Variants in ADAMTS18 observed in about 807,000 individuals in gnomAD.
ADAMTS18 encodes A disintegrin and metalloproteinase with thrombospondin motifs 18.
Under a neutral mutation model 165.9 loss-of-function variants are expected in ADAMTS18, and 157 were observed. That is an observed-to-expected ratio of 0.95 (90% CI 0.83 to 1.08). ADAMTS18 has a LOEUF of 1.08. ADAMTS18 is among the 50% of genes least tolerant of loss of function. The pLI is 0.00. For synonymous variants in ADAMTS18, 782 were observed against 578.2 expected, an observed-to-expected ratio of 1.35 and a Z score of -5.06; for missense variants, 2,040 against 1,534.0, an observed-to-expected ratio of 1.33 and a Z score of -5.51.
chr16:77,300,462 A>T, intron 16 of ADAMTS18, 58 bp from the exon 17 acceptor site: 2 of 1,581,666 alleles, frequency 1.3e-6, no homozygotes. Context: ...CTGGAATTCC[A>T]GAAATCTTAC....
intron 3 of ADAMTS18, among the ~76,000 whole-genome samples, chr16:77,389,559 CTCAGGG>C (rs1255600622): frequency 6.6e-6 from 1 of 152,152 alleles, no homozygotes; most frequent in Non-Finnish European, 1.5e-5. Flanking sequence ...GAATGAAGCC[CTCAGGG>C]TAGTCAGTTT....
chr16:77,370,790 G>GATATATAT (rs148727471), intron 3 of ADAMTS18, among the ~76,000 whole-genome samples: 2,025 of 147,012 alleles, frequency 0.014, 52 homozygotes, highest in African/African-American at 0.048. Flanking sequence ...TAATAGCTAC[G>GATATATAT]ATATATATAT....
At chr16:77,382,914 G>T (rs975098278) in intron 3 of ADAMTS18, among the ~76,000 whole-genome samples, 2 of 152,118 alleles carry the variant, frequency 1.3e-5, no homozygotes, top group Non-Finnish European at 1.5e-5. Context: ...TTGAATGTCT[G>T]GGAGGAGAAG....
chr16:77,398,661 C>A (rs997439120), intron 3 of ADAMTS18, among the ~76,000 whole-genome samples: 1 of 152,114 alleles, frequency 6.6e-6, no homozygotes, highest in Non-Finnish European at 1.5e-5. Context: ...TCAGTGCATT[C>A]ATTACAGGAA....
intron 4 of ADAMTS18, among the ~76,000 whole-genome samples, chr16:77,364,603 G>C (rs1010257709): frequency 6.8e-6 from 1 of 147,696 alleles, no homozygotes; most frequent in Non-Finnish European, 1.5e-5. Context: ...TGGGTAGATG[G>C]ATGGAATGGA....
rs1332565634 is a variant in ADAMTS18 at position 77,372,369 on chromosome 16, G to A, written c.496-4646C>T. ...TAGCCAAGACACAGAATCAGTCTAAGTGTCTGTCAACAAACAAATAAAAAT... is the reference window on the plus strand; with the variant it reads ...TAGCCAAGACACAGAATCAGTCTAAATGTCTGTCAACAAACAAATAAAAAT... On this transcript the variant is annotated intron_variant, in intron 3 of 22. Transcript: ENST00000282849. Among the ~76,000 whole-genome samples the A allele has an allele frequency of 3.9e-5, 6 of 152,336 alleles. No individual in the cohort carries two copies. The East Asian group carries it at 1.2e-3, about 29-fold the overall frequency.
chr16:77,423,025 A>T (rs1232575666), intron 3 of ADAMTS18, among the ~76,000 whole-genome samples: 3 of 152,188 alleles, frequency 2.0e-5, no homozygotes, highest in Non-Finnish European at 4.4e-5. Flanking sequence ...TCTTTCCTTT[A>T]TTAAACTTGA....
intron 16 of ADAMTS18, among the ~76,000 whole-genome samples, chr16:77,309,179 T>C (rs958065455): frequency 2.6e-5 from 4 of 151,954 alleles, no homozygotes; most frequent in Admixed American, 6.6e-5. Flanking sequence ...GCTAAATCAA[T>C]ATTTATTTTT....
chr16:77,389,874 G>C (rs986427002), intron 3 of ADAMTS18, among the ~76,000 whole-genome samples: 2 of 152,192 alleles, frequency 1.3e-5, no homozygotes, highest in African/African-American at 4.8e-5. Flanking sequence ...GGAGTAAAAA[G>C]TGGTAGATTG....
intron 3 of ADAMTS18, among the ~76,000 whole-genome samples, chr16:77,402,084 T>C (rs2057338926): frequency 6.6e-6 from 1 of 152,208 alleles, no homozygotes; most frequent in Non-Finnish European, 1.5e-5. Context: ...CCAATCCCTA[T>C]AATAAGTTCC....
chr16:77,334,721 A>ATAGTATATAT (rs373254383), intron 12 of ADAMTS18, among the ~76,000 whole-genome samples: 1 of 46,472 alleles, frequency 2.2e-5, no homozygotes, highest in Non-Finnish European at 3.6e-5. Context: ...ACTATAGTAT[A>ATAGTATATAT]CTACTATATA....
intron 3 of ADAMTS18, among the ~76,000 whole-genome samples, chr16:77,409,667 T>C (rs2057436214): frequency 6.6e-6 from 1 of 152,144 alleles, no homozygotes; most frequent in Non-Finnish European, 1.5e-5. Context: ...TGAACCACTC[T>C]GACGGGTCTG....
In ADAMTS18 at chr16:77,335,996, G is replaced by C. The variant is rs952040964; in HGVS notation, c.1711-92C>G. On this transcript the variant is annotated intron_variant, in intron 11 of 22. Transcript: ENST00000282849. Reference sequence around the variant, plus strand: ...CACCTGCACAGTAACAGGAAAAACAGGTCTGTTGGGAGAAAAGGAAAATGC... The same window carrying C: ...CACCTGCACAGTAACAGGAAAAACACGTCTGTTGGGAGAAAAGGAAAATGC... 1.3e-5 allele frequency: 19 copies of C among 1,499,344 alleles called. No individual in the cohort carries two copies. The South Asian group carries it at 2.0e-4, about 16-fold the overall frequency. 92.9% of individuals were successfully genotyped at this position (1,499,344 alleles called of 1,614,324 possible). A position where few individuals can be genotyped will look rare whatever the true frequency, so the allele number is the denominator to read the frequency against.
rs2144737161 is a variant in ADAMTS18 at position 77,364,342 on chromosome 16, AACC to A, written c.815_817del (p.Arg272_Phe273delinsIle). On this transcript the variant is annotated inframe_deletion, in exon 5 of 23. Coordinates refer to ENST00000282849, the MANE Select transcript of ADAMTS18 (RefSeq NM_199355.4). The stretch of plus-strand genomic sequence containing the variant: ...TCGCCCAGAGCTCCCATATTCATCA[AACC>A]TTAGATAGGTGTCCTCTGTGGGAGG... 3.1e-6 allele frequency: 5 copies of A among 1,613,852 alleles called. No homozygotes were observed. The highest frequency in any genetic ancestry group is 4.2e-6 in the Non-Finnish European group (5 of 1,179,992).
intron 5 of ADAMTS18, 108 bp from the exon 6 acceptor site, chr16:77,363,993 A>C: frequency 8.1e-7 from 1 of 1,230,580 alleles, no homozygotes; most frequent in African/African-American, 1.5e-5. Flanking sequence ...TACCAAATAT[A>C]TGTACATATA....
intron 3 of ADAMTS18, among the ~76,000 whole-genome samples, chr16:77,393,604 C>T (rs945308426): frequency 2.0e-5 from 3 of 152,190 alleles, no homozygotes; most frequent in African/African-American, 4.8e-5. Context: ...CTTGCTTCTT[C>T]CACCACGTGA....
intron 16 of ADAMTS18, among the ~76,000 whole-genome samples, chr16:77,309,219 T>A (rs930753007): frequency 1.4e-4 from 19 of 133,278 alleles, no homozygotes; most frequent in African/African-American, 4.1e-4. Flanking sequence ...GCTGGCTAGT[T>A]TTTTTTTTTC....
intron 9 of ADAMTS18, among the ~76,000 whole-genome samples, chr16:77,355,032 T>C (rs970191141): frequency 1.3e-5 from 2 of 152,192 alleles, no homozygotes; most frequent in Admixed American, 6.5e-5. Context: ...GCTTTGTGTA[T>C]AGATCTTACT....
At chr16:77,348,158 A>G (rs2056504794) in intron 10 of ADAMTS18, among the ~76,000 whole-genome samples, 1 of 152,132 alleles carries the variant, frequency 6.6e-6, no homozygotes, top group African/African-American at 2.4e-5. Context: ...TCTTGCTCAG[A>G]TTATTTAACT....
Sources: allele counts gnomAD v4.1 joint callset (sites outside exome capture counted in the v4.1 genomes callset), GRCh38; gene constraint gnomAD v4.1.1; transcripts MANE v1.5; gene names NCBI Gene and HGNC (gene_info 2026-07-23, HGNC 2026-07-21).